Variants in METTL6 observed in about 807,000 individuals in gnomAD.
The protein encoded by METTL6 is tRNA N(3)-cytidine methyltransferase METTL6.
A neutral mutation model predicts 26.4 loss-of-function variants in METTL6; 22 were observed. That is an observed-to-expected ratio of 0.83 (90% CI 0.59 to 1.19). The LOEUF (loss-of-function observed/expected upper bound fraction) is 1.19. METTL6 is among the 50% of genes most tolerant of loss of function. The pLI, the probability that METTL6 is intolerant of heterozygous loss-of-function variation, is 0.00. For synonymous variants in METTL6, 109 were observed against 116.2 expected (o/e 0.94, Z 0.40); for missense variants, 304 against 324.8 (o/e 0.94, Z 0.49).
Position 15,425,088 on chromosome 3 carries a change from A to C in METTL6, c.227T>G (p.Phe76Cys). ...EFEELRSCRE[F>C]EDQKLTMLEA... The stretch of plus-strand genomic sequence containing the variant: ...AAGCATTGTTAACTTTTGATCTTCA[A>C]ACTGGGGAAAGACAGCTCAAAGTTA... The change falls in exon 3 of 6, where the codon TTT becomes TGT. Residue 76 changes from phenylalanine (F) to cysteine (C), a missense_variant and splice_region_variant. By Grantham distance (205) the Phe-to-Cys change is radical. Coordinates refer to ENST00000383790, the MANE Select transcript of METTL6 (RefSeq NM_152396.4). 6.2e-7 allele frequency: 1 copy of C among 1,614,068 alleles called. No homozygotes were observed. Among genetic ancestry groups the C allele is most frequent in the Non-Finnish European group, 8.5e-7 (1 of 1,180,000 alleles).
At chr3:15,407,628 A>C (rs1417687838), downstream of METTL6, among the ~76,000 whole-genome samples, 1 of 152,140 alleles carries the variant, frequency 6.6e-6, no homozygotes, top group Non-Finnish European at 1.5e-5. Context: ...TCCACTGAGA[A>C]CACTATTGAT....
intron 1 of METTL6, among the ~76,000 whole-genome samples, chr3:15,426,976 A>G (rs1169129992): frequency 6.6e-6 from 1 of 152,376 alleles, no homozygotes; most frequent in East Asian, 1.9e-4. Context: ...GGGGTGACTT[A>G]AAAACCACAA....
At chr3:15,400,087 C>A (rs60623602) in intron 6 of METTL6, among the ~76,000 whole-genome samples, 1 of 152,038 alleles carries the variant, frequency 6.6e-6, no homozygotes, top group Non-Finnish European at 1.5e-5. Flanking sequence ...TGGGTCGACA[C>A]GTCCCAGATA....
At chr3:15,414,353 A>G in intron 4 of METTL6, 191 bp from the exon 5 acceptor site, 1 of 1,277,616 alleles carries the variant, frequency 7.8e-7, no homozygotes, top group Non-Finnish European at 9.8e-7. Flanking sequence ...ACACTAAGAC[A>G]CTTCTTTTTT....
At chr3:15,403,820 A>AT (rs1306033962) in intron 6 of METTL6, among the ~76,000 whole-genome samples, 1 of 152,182 alleles carries the variant, frequency 6.6e-6, no homozygotes, top group Non-Finnish European at 1.5e-5. Flanking sequence ...CTGGTTGCCC[A>AT]TTTTTGTGGT....
At chr3:15,382,559 T>C (rs1294377898) in exon 7 of METTL6, 1 of 150,746 alleles carries the variant, frequency 6.6e-6, no homozygotes, top group East Asian at 2.0e-4. Flanking sequence ...CCCAGCTACT[T>C]GGAGGCTGAG....
Position 15,402,676 on chromosome 3 carries a change from G to A in METTL6, c.*11+8569C>T, listed in dbSNP as rs374579476. Among the ~76,000 whole-genome samples, 49 of 150,340 alleles carry A rather than the reference G, an allele frequency of 3.3e-4. No individual in the cohort carries two copies. The East Asian group carries it at 7.8e-3, about 24-fold the overall frequency. On this transcript the variant is annotated intron_variant, in intron 6 of 6. Coordinates refer to the METTL6 transcript ENST00000443029. ...TTGAACCGAGGAGGCGGAGGTTGCA[G>A]TGAGCCGAGATGGGGTGCCACTGTA...
chr3:15,415,549 C>T (rs1700165775), intron 4 of METTL6: 1 of 1,599,762 alleles, frequency 6.3e-7, no homozygotes, highest in Non-Finnish European at 8.5e-7. Flanking sequence ...ATCCTTGTCC[C>T]AGGGCTGGCG....
intron 6 of METTL6, among the ~76,000 whole-genome samples, chr3:15,392,355 C>T (rs964021628): frequency 6.9e-4 from 103 of 150,108 alleles, no homozygotes; most frequent in African/African-American, 2.4e-3. Context: ...TGTTTTTTTT[C>T]TTGTAAATTT....
At chr3:15,422,367 G>A (rs1281027799) in intron 3 of METTL6, among the ~76,000 whole-genome samples, 22 of 151,992 alleles carry the variant, frequency 1.4e-4, no homozygotes, top group Admixed American at 1.4e-3. Flanking sequence ...GGTGGCTGAT[G>A]CCTGTAATCC....
chr3:15,385,665 G>A (rs7611291), intron 6 of METTL6, among the ~76,000 whole-genome samples: 11,334 of 152,116 alleles, frequency 0.075, 533 homozygotes, highest in African/African-American at 0.12. Flanking sequence ...TTCAAGACCA[G>A]CCTGGTCAAC....
chr3:15,412,378 C>T (rs1283246297), intron 5 of METTL6, among the ~76,000 whole-genome samples: 1 of 152,232 alleles, frequency 6.6e-6, no homozygotes. Context: ...CTGAAGCACT[C>T]TGCAGATATC....
At chr3:15,412,516 G>A (rs998817044) in intron 5 of METTL6, among the ~76,000 whole-genome samples, 6 of 151,488 alleles carry the variant, frequency 4.0e-5, no homozygotes. Flanking sequence ...TAGGCTTCTC[G>A]CCCTGTCGCC....
downstream of METTL6, among the ~76,000 whole-genome samples, chr3:15,405,241 G>A (rs1032670061): frequency 1.3e-5 from 2 of 152,164 alleles, no homozygotes; most frequent in Non-Finnish European, 2.9e-5. Flanking sequence ...CCTTGCAGAC[G>A]CCTTTCGAGC....
In METTL6 at chr3:15,426,551, C is replaced by G. The variant is rs753414748; in HGVS notation, c.-40G>C. 2.6e-6 allele frequency: 4 copies of G among 1,562,244 alleles called. No individual in the cohort carries two copies. The South Asian group carries it at 4.5e-5, about 18-fold the overall frequency. Reference sequence around the variant, plus strand: ...GTAACACTTAACACAGCTGAAGATTCTCCATCACCAAATAATATGAATCCA... The same window carrying G: ...GTAACACTTAACACAGCTGAAGATTGTCCATCACCAAATAATATGAATCCA... On this transcript the variant is annotated 5_prime_UTR_variant, in exon 2 of 6. Coordinates refer to ENST00000383790, the MANE Select transcript of METTL6 (RefSeq NM_152396.4).
In METTL6 at chr3:15,415,830, A is replaced by G. The variant is rs1309686408; in HGVS notation, c.473T>C (p.Phe158Ser). The change falls in exon 4 of 6, where the codon TTT becomes TCT. Residue 158 changes from phenylalanine to serine, a missense_variant. Transcript: ENST00000383790. The stretch of plus-strand genomic sequence containing the variant: ...ATCAGGATGAACAGCTGACAGCACA[A>G]ATATCAACATAACAACATCCACAGA... ...PESVDVVMLIFVLSAVHPDKM... is the reference protein window; with the variant it reads ...PESVDVVMLISVLSAVHPDKM... 5.6e-6 allele frequency: 9 copies of G among 1,614,224 alleles called. No individual in the cohort carries two copies. The highest frequency in any genetic ancestry group is 7.6e-6 in the Non-Finnish European group (9 of 1,180,036).
Position 15,415,859 on chromosome 3 carries a change from T to C in METTL6, c.444A>G (p.Pro148=), listed in dbSNP as rs186541587. 41 of 1,614,196 alleles carry C rather than the reference T, an allele frequency of 2.5e-5. No individual in the cohort carries two copies. The Admixed American group carries it at 6.7e-4, about 26-fold the overall frequency. ...TKDDLLDHVP[P]ESVDVVMLIF... ...TCAACATAACAACATCCACAGACTC[T>C]GGCGGTACATGATCCAGAAGATCAT... Residue 148 remains proline (P), a synonymous_variant, in exon 4 of 6, where the codon CCA becomes CCG. Transcript: ENST00000383790.
At chr3:15,406,637 G>A (rs1326061458), downstream of METTL6, among the ~76,000 whole-genome samples, 1 of 128,778 alleles carries the variant, frequency 7.8e-6, no homozygotes, top group Admixed American at 7.8e-5. Context: ...TATAGAGAGA[G>A]AGAGAGAGAG....
intron 6 of METTL6, among the ~76,000 whole-genome samples, chr3:15,400,474 A>T (rs1016345431): frequency 2.0e-5 from 3 of 152,220 alleles, no homozygotes; most frequent in Non-Finnish European, 4.4e-5. Context: ...TCAGAGGGTG[A>T]ACGAAAAGTT....
Sources: gnomAD v4.1 joint callset for allele counts (sites outside exome capture counted in the v4.1 genomes callset) on GRCh38, gnomAD v4.1.1 for gene constraint, MANE v1.5 for transcripts, NCBI Gene and HGNC (gene_info 2026-07-23, HGNC 2026-07-21) for gene names.